Variants in RFX7 observed in about 807,000 individuals in gnomAD.
RFX7 encodes the protein regulatory factor X7.
RFX7 carries 26 observed loss-of-function variants against 111.8 expected under a neutral mutation model. The observed-to-expected ratio is 0.23, with a 90% CI of 0.17 to 0.32. The LOEUF is 0.32. Ranked by LOEUF, RFX7 falls within the 10% of genes least tolerant of loss-of-function variation. RFX7 has a pLI of 1.00. For synonymous variants in RFX7, 624 were observed against 624.4 expected (o/e 1.00, Z 0.01); for missense variants, 1,573 against 1,772.9 (o/e 0.89, Z 2.02).
chr15:56,186,354 G>A (rs1244461252), intron 2 of RFX7, among the ~76,000 whole-genome samples: 1 of 152,186 alleles, frequency 6.6e-6, no homozygotes, highest in Non-Finnish European at 1.5e-5. Context: ...ATGAGGACAT[G>A]AAAACCACTA....
At position 56,201,501 on chromosome 15, in the gene RFX7, A is replaced by C. The variant is rs191041157; in HGVS notation, c.162-22198T>G. On this transcript the variant is annotated intron_variant, in intron 2 of 9. Transcript: ENST00000559447. ...TTACGAAGTAATCTCCTCAATGTTC[A>C]AATGATGCTCTAGAGAGGAAGATAC... Among the ~76,000 whole-genome samples the C allele has an allele frequency of 1.7e-3, 265 of 152,358 alleles. 1 individual carries two copies. Among genetic ancestry groups the C allele is most frequent in the African/African-American group, 6.2e-3 (259 of 41,586 alleles).
intron 3 of RFX7, among the ~76,000 whole-genome samples, chr15:56,149,556 G>A (rs2042538272): frequency 6.6e-6 from 1 of 152,196 alleles, no homozygotes. Flanking sequence ...CGGAGGGCGA[G>A]GCGAAGCAGG....
chr15:56,096,683 T>TATA, intron 9 of RFX7, 63 bp from the exon 10 acceptor site: 1 of 1,446,294 alleles, frequency 6.9e-7, no homozygotes, highest in Non-Finnish European at 9.2e-7. Context: ...AATTCATGTA[T>TATA]CTGTATATAC....
chr15:56,127,071 CATATGGA>C (rs1475116845), intron 5 of RFX7, among the ~76,000 whole-genome samples: 1 of 151,964 alleles, frequency 6.6e-6, no homozygotes, highest in Non-Finnish European at 1.5e-5. Flanking sequence ...TTCTCAAGTG[CATATGGA>C]ATATTCTCCA....
intron 5 of RFX7, among the ~76,000 whole-genome samples, chr15:56,140,704 A>C (rs1483594658): frequency 1.3e-5 from 2 of 151,804 alleles, no homozygotes; most frequent in African/African-American, 2.4e-5. Context: ...AGTTCTCACT[A>C]CTCCTCCCAA....
chr15:56,204,640 A>G (rs2043232886), intron 2 of RFX7, among the ~76,000 whole-genome samples: 1 of 152,172 alleles, frequency 6.6e-6, no homozygotes, highest in Admixed American at 6.5e-5. Flanking sequence ...TTTTGATTTG[A>G]TCAAAACCAA....
chr15:56,131,027 G>A (rs1185980886), intron 5 of RFX7, among the ~76,000 whole-genome samples: 1 of 151,698 alleles, frequency 6.6e-6, no homozygotes, highest in Non-Finnish European at 1.5e-5. Flanking sequence ...AACTGTTCCA[G>A]AGCACAGAAA....
intron 3 of RFX7, among the ~76,000 whole-genome samples, chr15:56,160,941 T>A (rs1402113057): frequency 6.6e-6 from 1 of 152,112 alleles, no homozygotes; most frequent in Non-Finnish European, 1.5e-5. Context: ...AAGAGGAAAT[T>A]GTTTTTCTAT....
chr15:56,121,815 A>G (rs548869555), intron 5 of RFX7, among the ~76,000 whole-genome samples: 1 of 152,250 alleles, frequency 6.6e-6, no homozygotes, highest in East Asian at 1.9e-4. Flanking sequence ...AGAGACTCTG[A>G]TGCATTCTTC....
intron 3 of RFX7, 97 bp from the exon 4 acceptor site, chr15:56,144,580 T>C: frequency 4.6e-6 from 2 of 437,070 alleles, no homozygotes; most frequent in South Asian, 2.0e-5. Context: ...ATAATGACTA[T>C]TTAAATTTAA....
intron 5 of RFX7, among the ~76,000 whole-genome samples, chr15:56,128,658 G>C (rs533815827): frequency 1.3e-5 from 2 of 152,158 alleles, no homozygotes; most frequent in African/African-American, 2.4e-5. Context: ...GACAAGGAAG[G>C]GGGTGTCCAC....
chr15:56,223,508 T>C (rs1470668294), intron 2 of RFX7, among the ~76,000 whole-genome samples: 4 of 152,186 alleles, frequency 2.6e-5, no homozygotes, highest in Non-Finnish European at 5.9e-5. Context: ...CTTCATGTCT[T>C]TTATCCACTT....
Position 56,243,305 on chromosome 15 carries a change from G to A in RFX7, c.-2-18C>T. 9.6e-7 allele frequency: 1 copy of A among 1,042,770 alleles called. No individual in the cohort carries two copies. The highest frequency in any genetic ancestry group is 1.2e-6 in the Non-Finnish European group (1 of 810,200). 64.6% of individuals were successfully genotyped at this position (1,042,770 alleles called of 1,614,324 possible). ...TGCCATCGCTGCAGAGGGGTGGGAG[G>A]GAGGGAGGGAAAGATGGGGGCGCGG... On this transcript the variant is annotated intron_variant, in intron 1 of 9. Coordinates refer to ENST00000559447, the MANE Select transcript of RFX7 (RefSeq NM_022841.7).
chr15:56,133,002 G>C (rs2042239338), intron 5 of RFX7, among the ~76,000 whole-genome samples: 1 of 152,024 alleles, frequency 6.6e-6, no homozygotes, highest in African/African-American at 2.4e-5. Flanking sequence ...GAAGGCATTA[G>C]AAAAACTATA....
At chr15:56,130,965 T>C (rs1414290129) in intron 5 of RFX7, among the ~76,000 whole-genome samples, 2 of 152,168 alleles carry the variant, frequency 1.3e-5, no homozygotes, top group Non-Finnish European at 2.9e-5. Flanking sequence ...TAGATGGTTT[T>C]GTAGTTGAGT....
At chr15:56,132,418 G>GGTTAGTGTTAA (rs1433883283) in intron 5 of RFX7, among the ~76,000 whole-genome samples, 4 of 151,742 alleles carry the variant, frequency 2.6e-5, no homozygotes, top group African/African-American at 9.7e-5. Context: ...CCTTTAGTAA[G>GGTTAGTGTTAA]GTAACAGTAC....
intron 3 of RFX7, among the ~76,000 whole-genome samples, chr15:56,147,901 G>C (rs2042505162): frequency 6.6e-6 from 1 of 152,188 alleles, no homozygotes; most frequent in South Asian, 2.1e-4. Flanking sequence ...ACAGAGATTT[G>C]CACATTTGGA....
At chr15:56,209,065 C>T (rs553768670) in intron 2 of RFX7, among the ~76,000 whole-genome samples, 94 of 151,984 alleles carry the variant, frequency 6.2e-4, no homozygotes, top group African/African-American at 2.2e-3. Context: ...GCTCAGAGAA[C>T]GTCAACCAAC....
intron 5 of RFX7, among the ~76,000 whole-genome samples, chr15:56,104,748 T>C (rs1310567300): frequency 1.3e-5 from 2 of 152,180 alleles, no homozygotes; most frequent in African/African-American, 4.8e-5. Context: ...GACAATGCTA[T>C]TTCTCTTGTT....
Sources: allele counts gnomAD v4.1 joint callset (sites outside exome capture counted in the v4.1 genomes callset), GRCh38; gene constraint gnomAD v4.1.1; transcripts MANE v1.5; gene names NCBI Gene and HGNC (gene_info 2026-07-23, HGNC 2026-07-21).